The following CNST variants were observed in gnomAD, a reference collection of about 807,000 sequenced individuals.
The protein encoded by CNST is consortin.
CNST carries 39 observed loss-of-function variants against 72.4 expected under a neutral mutation model. That is an observed-to-expected ratio of 0.54 (90% CI 0.42 to 0.70). CNST has a LOEUF of 0.70. CNST is among the 30% of genes least tolerant of loss of function. The pLI, the probability that CNST is intolerant of heterozygous loss-of-function variation, is 0.00. For synonymous variants in CNST, 332 were observed against 320.1 expected (o/e 1.04, Z -0.40); for missense variants, 871 against 868.5 (o/e 1.00, Z -0.04).
At chr1:246,656,837 G>A (rs1236176064) in intron 9 of CNST, among the ~76,000 whole-genome samples, 1 of 152,052 alleles carries the variant, frequency 6.6e-6, no homozygotes, top group Non-Finnish European at 1.5e-5. Flanking sequence ...GGCTAAGGTG[G>A]GAGGATTGCT....
At chr1:246,605,846 G>A (rs1442787195) in intron 2 of CNST, 2 of 141,026 alleles carry the variant, frequency 1.4e-5, no homozygotes, top group African/African-American at 5.1e-5. Flanking sequence ...TCCGGCCGGG[G>A]TGCGTGTCTT....
chr1:246,649,399 G>A (rs550578185), intron 9 of CNST, among the ~76,000 whole-genome samples: 1 of 151,962 alleles, frequency 6.6e-6, no homozygotes, highest in East Asian at 1.9e-4. Flanking sequence ...TAGAGCTAAT[G>A]GTATAGCACT....
intron 2 of CNST, among the ~76,000 whole-genome samples, chr1:246,597,399 A>G (rs1661962145): frequency 6.6e-6 from 1 of 152,180 alleles, no homozygotes. Context: ...CCCTTCCCCA[A>G]GCGGTGGCTA....
chr1:246,581,284 A>C (rs1572121638), intron 1 of CNST, among the ~76,000 whole-genome samples: 1 of 151,460 alleles, frequency 6.6e-6, no homozygotes, highest in East Asian at 2.0e-4. Flanking sequence ...TTTTTTTTTG[A>C]GACGGAGTTT....
chr1:246,584,717 G>T (rs1317517311), intron 1 of CNST, among the ~76,000 whole-genome samples: 1 of 152,116 alleles, frequency 6.6e-6, no homozygotes, highest in East Asian at 1.9e-4. Flanking sequence ...CAGCTGCCAG[G>T]ACAGTTACTG....
At chr1:246,641,840 A>G in intron 7 of CNST, 70 bp downstream of exon 7, 2 of 1,253,646 alleles carry the variant, frequency 1.6e-6, no homozygotes, top group East Asian at 2.3e-5. Context: ...TGTATGGACT[A>G]TTTTGGAAAA....
chr1:246,596,789 C>T (rs545610847), intron 2 of CNST, among the ~76,000 whole-genome samples: 2 of 152,308 alleles, frequency 1.3e-5, no homozygotes, highest in East Asian at 3.9e-4. Flanking sequence ...ACAGATTTGT[C>T]TACTCTGAAC....
rs1429048239 is a variant in CNST, at chr1:246,585,664, TATACACACACACAC to T, written c.-51-5846_-51-5833del. On this transcript the variant is annotated intron_variant, in intron 1 of 10. Transcript: ENST00000366513. ...CTCAAAAAAAAAAAAAAAAAAAAAA[TATACACACACACAC>T]ACACACACACACACACACACACACA... is the stretch of plus-strand genomic sequence containing the variant. Among the ~76,000 whole-genome samples, 39 of 39,628 alleles carry T rather than the reference TATACACACACACAC, an allele frequency of 9.8e-4. 2 individuals are homozygous for T. Among genetic ancestry groups the T allele is most frequent in the Middle Eastern group, 0.014 (1 of 72 alleles). 26.0% of individuals were successfully genotyped at this position (39,628 alleles called of 152,430 possible). A position where few individuals can be genotyped will look rare whatever the true frequency, so the allele number is the denominator to read the frequency against.
At chr1:246,625,195 C>G (rs1664333724) in intron 3 of CNST, among the ~76,000 whole-genome samples, 1 of 152,114 alleles carries the variant, frequency 6.6e-6, no homozygotes, top group Non-Finnish European at 1.5e-5. Context: ...CACAAATGTT[C>G]TGTGCAACTG....
chr1:246,626,066 CT>C (rs113438721), intron 3 of CNST, among the ~76,000 whole-genome samples: 9,712 of 145,206 alleles, frequency 0.067, 980 homozygotes, highest in African/African-American at 0.22. Flanking sequence ...CCATATTTTC[CT>C]TTTTTTTTTT....
At chr1:246,628,140 A>G (rs577020222) in intron 3 of CNST, among the ~76,000 whole-genome samples, 4 of 152,166 alleles carry the variant, frequency 2.6e-5, no homozygotes, top group South Asian at 4.1e-4. Flanking sequence ...TGCCTGCTTT[A>G]TATTCCCTGG....
At chr1:246,597,542 G>A (rs144335044) in intron 2 of CNST, among the ~76,000 whole-genome samples, 17 of 152,308 alleles carry the variant, frequency 1.1e-4, no homozygotes, top group South Asian at 6.2e-4. Flanking sequence ...AAACAGTTCA[G>A]CAAATGGCGG....
rs928911187 is a variant in CNST, at chr1:246,586,892, T to C, written c.-51-4620T>C. On this transcript the variant is annotated intron_variant, in intron 1 of 10. Transcript: ENST00000366513. The stretch of plus-strand genomic sequence containing the variant: ...AACATATACACCTGAAAACAGCTGG[T>C]TTTTAAAAGTAATTTAAAAATGATT... Among the ~76,000 whole-genome samples the C allele has an allele frequency of 4.6e-5, 7 of 152,176 alleles. No homozygotes were observed. The South Asian group carries it at 1.0e-3, about 23-fold the overall frequency.
At chr1:246,581,416 T>A (rs746673651) in intron 1 of CNST, among the ~76,000 whole-genome samples, 1 of 152,150 alleles carries the variant, frequency 6.6e-6, no homozygotes, top group South Asian at 2.1e-4. Flanking sequence ...GGCATGCGCC[T>A]CCACGCCTGG....
chr1:246,617,725 C>G (rs150282537), intron 2 of CNST, among the ~76,000 whole-genome samples: 99 of 152,290 alleles, frequency 6.5e-4, no homozygotes, highest in African/African-American at 2.3e-3. Flanking sequence ...AATATGAGTT[C>G]TTTACCCCAT....
chr1:246,610,088 C>T (rs1325284922), intron 2 of CNST, among the ~76,000 whole-genome samples: 1 of 152,134 alleles, frequency 6.6e-6, no homozygotes, highest in East Asian at 1.9e-4. Flanking sequence ...CAAGACTGGC[C>T]TGGTCAAGAT....
chr1:246,634,036 G>A (rs1380321580), intron 5 of CNST, 26 bp downstream of exon 5: 14 of 1,396,552 alleles, frequency 1.0e-5, no homozygotes, highest in Non-Finnish European at 1.4e-5. Flanking sequence ...CATGGAATGT[G>A]GAATTAGCAG....
At chr1:246,629,193 C>A (rs193286336) in intron 3 of CNST, among the ~76,000 whole-genome samples, 2 of 152,248 alleles carry the variant, frequency 1.3e-5, no homozygotes, top group East Asian at 3.9e-4. Context: ...GGCCACACAG[C>A]TGGTAAGTGG....
intron 6 of CNST, among the ~76,000 whole-genome samples, chr1:246,636,306 T>C (rs966255089): frequency 6.6e-6 from 1 of 152,062 alleles, no homozygotes; most frequent in Non-Finnish European, 1.5e-5. Context: ...TCCCTCTTAC[T>C]GGGTTGGTAA....
Sources: allele counts gnomAD v4.1 joint callset (sites outside exome capture counted in the v4.1 genomes callset), GRCh38; gene constraint gnomAD v4.1.1; transcripts MANE v1.5; gene names NCBI Gene and HGNC (gene_info 2026-07-23, HGNC 2026-07-21).